Variants in ANKFY1 observed in about 807,000 individuals in gnomAD.
The protein encoded by ANKFY1 is ankyrin repeat and FYVE domain containing 1.
ANKFY1 carries 47 observed loss-of-function variants against 128.3 expected under a neutral mutation model. That is an observed-to-expected ratio of 0.37 (90% CI 0.29 to 0.47). The LOEUF (loss-of-function observed/expected upper bound fraction) is 0.47. Among genes scored for constraint, ANKFY1 ranks in the 20% least tolerant of loss-of-function variants. The pLI, the probability that ANKFY1 is intolerant of heterozygous loss-of-function variation, is 1.00. For synonymous variants in ANKFY1, 553 were observed against 601.6 expected (o/e 0.92, Z 1.18); for missense variants, 1,222 against 1,510.6 (o/e 0.81, Z 3.17).
intron 4 of ANKFY1, among the ~76,000 whole-genome samples, chr17:4,213,372 T>C (rs2060169285): frequency 6.6e-6 from 1 of 151,674 alleles, no homozygotes; most frequent in Non-Finnish European, 1.5e-5. Context: ...GTATTATTAG[T>C]AGGGACGGGG....
chr17:4,182,399 A>G (rs752197198), intron 14 of ANKFY1, 50 bp from the exon 15 acceptor site: 2 of 1,449,812 alleles, frequency 1.4e-6, no homozygotes, highest in Admixed American at 4.1e-5. Context: ...AACCCAAAGC[A>G]CAGAAGGTGC....
At chr17:4,195,326 T>C in intron 9 of ANKFY1, 77 bp downstream of exon 9, 2 of 1,498,016 alleles carry the variant, frequency 1.3e-6, no homozygotes, top group Non-Finnish European at 9.2e-7. Context: ...ACACTAAAGA[T>C]GTTTAAAAAG....
At chr17:4,208,499 A>G (rs1203637859) in intron 5 of ANKFY1, among the ~76,000 whole-genome samples, 1 of 152,176 alleles carries the variant, frequency 6.6e-6, no homozygotes, top group African/African-American at 2.4e-5. Context: ...GCAGTTACAA[A>G]ATCAATTCCA....
intron 1 of ANKFY1, among the ~76,000 whole-genome samples, chr17:4,258,515 C>G (rs1161296824): frequency 6.8e-6 from 1 of 147,052 alleles, no homozygotes; most frequent in African/African-American, 2.6e-5. Context: ...CAGAGCCAGA[C>G]TCCAACTCAA....
chr17:4,167,970 G>T lies in ANKFY1; in HGVS notation c.3378-59C>A. 1 of 1,571,924 alleles carries T rather than the reference G, an allele frequency of 6.4e-7. No individual in the cohort carries two copies. On this transcript the variant is annotated intron_variant, in intron 24 of 24. Transcript: ENST00000341657. The surrounding 1 kb of genome is among the most constrained non-coding windows in gnomAD (Gnocchi z 4.1). ...CGCCAACGACAGACTCTGCTTCCTG[G>T]CACGTGAGGACAACCGCAGCAGGGC... is the stretch of plus-strand genomic sequence containing the variant.
In ANKFY1 at chr17:4,206,481, A is replaced by G. The variant is rs772276857; in HGVS notation, c.738T>C (p.Pro246=). ...LYLIEMDSQL[P]GKLNEADHNG... ...TATGATCCGCTTCATTCAGCTTCCC[A>G]GGGAGCTACACAAACAAGTTTGTAA... Residue 246 remains proline (P), a synonymous_variant, in exon 7 of 25, where the codon CCT becomes CCC. Coordinates refer to ENST00000341657, the MANE Select transcript of ANKFY1 (RefSeq NM_001330063.2). The G allele has an allele frequency of 3.8e-5, 62 of 1,611,240 alleles. No individual in the cohort carries two copies. The highest frequency in any genetic ancestry group is 5.5e-5 in the South Asian group (5 of 91,028).
chr17:4,213,389 C>CA (rs1171893546), intron 4 of ANKFY1, among the ~76,000 whole-genome samples: 3 of 151,866 alleles, frequency 2.0e-5, no homozygotes, highest in Non-Finnish European at 4.4e-5. Context: ...GGGGTTTCAC[C>CA]ATGGCAGACT....
chr17:4,198,186 T>C (rs2059862651), intron 7 of ANKFY1, among the ~76,000 whole-genome samples: 1 of 151,236 alleles, frequency 6.6e-6, no homozygotes, highest in Non-Finnish European at 1.5e-5. Context: ...TTCGGTCATC[T>C]CTCAGAAGGG....
At chr17:4,229,482 T>A (rs1171528935) in intron 3 of ANKFY1, among the ~76,000 whole-genome samples, 1 of 150,540 alleles carries the variant, frequency 6.6e-6, no homozygotes, top group Non-Finnish European at 1.5e-5. Context: ...GAAAAAATAA[T>A]TCAAAGGAAT....
Position 4,207,990 on chromosome 17 carries a change from G to A in ANKFY1, c.675C>T (p.Ala225=). Residue 225 remains alanine, a synonymous_variant, in exon 6 of 25, where the codon GCC becomes GCT. Transcript: ENST00000341657. ...CCACGTCTTCTCTCTCCACTTTGAT[G>A]GCTTTATGTAGCGGGTACTCTGTCT... The part of the protein sequence containing the change: ...KSKTEYPLHK[A]IKVEREDVVF... 1 of 1,610,512 alleles carries A rather than the reference G, an allele frequency of 6.2e-7. No homozygotes were observed. Among genetic ancestry groups the A allele is most frequent in the Non-Finnish European group, 8.5e-7 (1 of 1,178,566 alleles).
chr17:4,201,703 G>A (rs953824991), intron 7 of ANKFY1, among the ~76,000 whole-genome samples: 1 of 152,136 alleles, frequency 6.6e-6, no homozygotes, highest in African/African-American at 2.4e-5. Flanking sequence ...TTTGGGTGGG[G>A]TAAGGGGTGC....
At chr17:4,202,553 C>T (rs1287503224) in intron 7 of ANKFY1, among the ~76,000 whole-genome samples, 35 of 149,114 alleles carry the variant, frequency 2.3e-4, no homozygotes, top group Admixed American at 7.4e-4. Context: ...AAAAATTAGC[C>T]GGGCATGGTG....
At chr17:4,206,217 T>C in intron 7 of ANKFY1, 104 bp downstream of exon 7, 4 of 1,279,016 alleles carry the variant, frequency 3.1e-6, no homozygotes, top group Non-Finnish European at 4.4e-6. Flanking sequence ...GAGTACAGAC[T>C]ACAGAAGCCT....
Position 4,189,371 on chromosome 17 carries a change from G to T in ANKFY1, c.1470+11C>A. The T allele has an allele frequency of 4.5e-6, 7 of 1,564,362 alleles. No homozygotes were observed. Among genetic ancestry groups the T allele is most frequent in the Non-Finnish European group, 6.1e-6 (7 of 1,149,378 alleles). ...CAACACCATTTTCTCCGGCTGCCCT[G>T]TCACACTTACCCACTTGTTTCTGTG... On this transcript the variant is annotated intron_variant, in intron 11 of 24. Transcript: ENST00000341657.
chr17:4,262,770 A>C (rs1968492036), intron 1 of ANKFY1, among the ~76,000 whole-genome samples: 1 of 152,080 alleles, frequency 6.6e-6, no homozygotes, highest in Admixed American at 6.6e-5. Context: ...ACACCCCCCA[A>C]AACCAACTGG....
At chr17:4,203,597 C>T (rs57463905) in intron 7 of ANKFY1, among the ~76,000 whole-genome samples, 2,019 of 151,958 alleles carry the variant, frequency 0.013, 48 homozygotes, top group African/African-American at 0.046. Flanking sequence ...GGGCGGATCA[C>T]CTAAGGTTGG....
At chr17:4,177,468 C>A (rs1209488817) in intron 18 of ANKFY1, among the ~76,000 whole-genome samples, 166 bp from the exon 19 acceptor site, 1 of 152,166 alleles carries the variant, frequency 6.6e-6, no homozygotes, top group Non-Finnish European at 1.5e-5. Flanking sequence ...CCCCAACCCA[C>A]CCACAGACCC....
chr17:4,173,888 T>C (rs2059367682), intron 20 of ANKFY1, 21 bp downstream of exon 20: 1 of 1,607,696 alleles, frequency 6.2e-7, no homozygotes, highest in Non-Finnish European at 8.5e-7. Flanking sequence ...TTCAAGCCAC[T>C]AAAGAATGAC....
At position 4,166,003 on chromosome 17, in the gene ANKFY1, A is replaced by AAGACT. The variant is rs1250041827; in HGVS notation, c.*1771_*1775dup. ...TGCCTCACATGGCCAAATGTTTGCCAAGACTAGCAGAGTTTTTCTTTTAAA... is the reference window on the plus strand; with the variant it reads ...TGCCTCACATGGCCAAATGTTTGCCAAGACTAGACTAGCAGAGTTTTTCTTTTAAA... On this transcript the variant is annotated 3_prime_UTR_variant, in exon 25 of 25. Coordinates refer to ENST00000341657, the MANE Select transcript of ANKFY1 (RefSeq NM_001330063.2). 1 of 152,240 alleles carries AAGACT rather than the reference A, an allele frequency of 6.6e-6. No individual in the cohort carries two copies. Among genetic ancestry groups the AAGACT allele is most frequent in the Non-Finnish European group, 1.5e-5 (1 of 68,034 alleles). The allele number at this position is 152,240 out of a possible 1,614,324, so 9.4% of individuals were successfully genotyped here. A position where few individuals can be genotyped will look rare whatever the true frequency, so the allele number is the denominator to read the frequency against.
Sources: allele counts gnomAD v4.1 joint callset (sites outside exome capture counted in the v4.1 genomes callset), GRCh38; gene constraint gnomAD v4.1.1; non-coding constraint Gnocchi (gnomAD v3.1); transcripts MANE v1.5; gene names NCBI Gene and HGNC (gene_info 2026-07-23, HGNC 2026-07-21).